The following STK3 variants were observed in gnomAD, a reference collection of about 807,000 sequenced individuals.
STK3 encodes the protein serine/threonine-protein kinase 3.
STK3 carries 41 observed loss-of-function variants against 58.0 expected under a neutral mutation model. The observed-to-expected ratio is 0.71, with a 90% CI of 0.55 to 0.92. The LOEUF (loss-of-function observed/expected upper bound fraction) is 0.92. Ranked by LOEUF, STK3 falls within the 40% of genes least tolerant of loss-of-function variation. The pLI is 0.00. For missense variants in STK3, 479 were observed against 602.7 expected, an observed-to-expected ratio of 0.79 and a Z score of 2.15; for synonymous variants, 170 against 191.0, an observed-to-expected ratio of 0.89 and a Z score of 0.91.
intron 6 of STK3, among the ~76,000 whole-genome samples, chr8:98,605,749 T>C (rs1247634274): frequency 6.6e-6 from 1 of 152,198 alleles, no homozygotes; most frequent in Non-Finnish European, 1.5e-5. Context: ...TGTCAAATTG[T>C]AATCCCCAAT....
intron 1 of STK3, among the ~76,000 whole-genome samples, chr8:98,893,853 A>G (rs1465317340): frequency 6.6e-6 from 1 of 152,198 alleles, no homozygotes; most frequent in Non-Finnish European, 1.5e-5. Flanking sequence ...GGCCAATTTG[A>G]CCAAACTTAT....
chr8:98,877,098 C>T (rs1228863147), intron 3 of STK3, among the ~76,000 whole-genome samples: 3 of 152,192 alleles, frequency 2.0e-5, no homozygotes, highest in Non-Finnish European at 2.9e-5. Context: ...TGATTTTGAA[C>T]TATGACATCT....
intron 1 of STK3, among the ~76,000 whole-genome samples, chr8:98,807,319 T>C (rs113593047): frequency 0.031 from 4,772 of 152,010 alleles, 99 homozygotes; most frequent in East Asian, 0.06. Flanking sequence ...TGCAATGGCA[T>C]GATCTTGGCT....
chr8:98,428,651 C>T lies in STK3; in HGVS notation n.483+5476G>A, dbSNP rs957441373. 1.2e-6 allele frequency: 2 copies of T among 1,614,068 alleles called. No homozygotes were observed. Among genetic ancestry groups the T allele is most frequent in the African/African-American group, 2.7e-5 (2 of 74,914 alleles). On this transcript the variant is annotated intron_variant and non_coding_transcript_variant, in intron 3 of 3. Transcript: ENST00000517832. The surrounding 1 kb of genome is among the most constrained non-coding windows in gnomAD (Gnocchi z 6.7). ...ACAGCCAGGGCAACCCTGGCGAGGA[C>T]CCTAGGTTCGAAATCGTGGAGCACT...
At chr8:98,370,820 A>G (rs1817602499), downstream of STK3, among the ~76,000 whole-genome samples, 1 of 152,194 alleles carries the variant, frequency 6.6e-6, no homozygotes, top group Non-Finnish European at 1.5e-5. Context: ...GATCCAAACA[A>G]GTCAGGTTAA....
intron 1 of STK3, among the ~76,000 whole-genome samples, chr8:98,938,279 C>A (rs1840268308): frequency 6.6e-6 from 1 of 152,096 alleles, no homozygotes; most frequent in Non-Finnish European, 1.5e-5. Flanking sequence ...TGGAGGGAAG[C>A]AAATGGTCCA....
chr8:98,817,418 C>T (rs1037823525), intron 1 of STK3, among the ~76,000 whole-genome samples: 2 of 142,724 alleles, frequency 1.4e-5, no homozygotes, highest in Non-Finnish European at 3.0e-5. Flanking sequence ...TGCACCATTG[C>T]ATTCCAGCCT....
chr8:98,382,744 C>A (rs1209379161), intron 1 of STK3, among the ~76,000 whole-genome samples: 3 of 152,196 alleles, frequency 2.0e-5, no homozygotes, highest in Non-Finnish European at 4.4e-5. Flanking sequence ...ACCGTCCACT[C>A]CAGCGGCCAC....
intron 3 of STK3, chr8:98,429,729 C>G (rs1818302632): frequency 3.2e-6 from 1 of 307,986 alleles, no homozygotes; most frequent in African/African-American, 2.1e-5. Context: ...GTACGCTATT[C>G]TAGTGCTTGT....
the STK3 span, among the ~76,000 whole-genome samples, chr8:98,363,999 TCA>T: frequency 7.9e-5 from 12 of 152,258 alleles, no homozygotes; most frequent in African/African-American, 2.9e-4. Context: ...GTTCTCTCTA[TCA>T]CAGTCAGGCC....
At chr8:98,577,349 T>TA (rs546812737) in intron 8 of STK3, among the ~76,000 whole-genome samples, 1 of 152,052 alleles carries the variant, frequency 6.6e-6, no homozygotes, top group Non-Finnish European at 1.5e-5. Context: ...TAGCCGGGTA[T>TA]AGTGGCATGA....
intron 10 of STK3, among the ~76,000 whole-genome samples, chr8:98,473,877 A>C (rs912730778): frequency 5.3e-5 from 8 of 152,174 alleles, no homozygotes; most frequent in Admixed American, 5.2e-4. Flanking sequence ...AGTCTCATAC[A>C]TGCCCTGGGC....
At chr8:98,530,724 C>A (rs980126356) in intron 9 of STK3, among the ~76,000 whole-genome samples, 1 of 152,196 alleles carries the variant, frequency 6.6e-6, no homozygotes, top group Non-Finnish European at 1.5e-5. Flanking sequence ...AACATTTTAC[C>A]CACAGCACAG....
intron 3 of STK3, among the ~76,000 whole-genome samples, chr8:98,420,256 C>T (rs1818156792): frequency 6.6e-6 from 1 of 152,170 alleles, no homozygotes; most frequent in African/African-American, 2.4e-5. Context: ...AGGTGCTCCC[C>T]ACCCCTTAGT....
At chr8:98,507,580 C>T (rs2131389872) in intron 10 of STK3, among the ~76,000 whole-genome samples, 1 of 152,290 alleles carries the variant, frequency 6.6e-6, no homozygotes, top group Non-Finnish European at 1.5e-5. Flanking sequence ...TCTATGGCTA[C>T]ATATTTCTTT....
chr8:98,457,794 T>G (rs542252598), intron 10 of STK3, among the ~76,000 whole-genome samples: 5 of 152,336 alleles, frequency 3.3e-5, no homozygotes, highest in Admixed American at 2.6e-4. Context: ...TATCATTACT[T>G]TAATTCTGAA....
chr8:98,833,082 G>A (rs961229293), intron 3 of STK3, among the ~76,000 whole-genome samples: 2 of 152,146 alleles, frequency 1.3e-5, no homozygotes, highest in Non-Finnish European at 1.5e-5. Context: ...CTGAGAATAC[G>A]TGCCCAAGGT....
At chr8:98,389,113 G>T (rs764450520), upstream of STK3, among the ~76,000 whole-genome samples, 24 of 152,326 alleles carry the variant, frequency 1.6e-4, no homozygotes, top group Middle Eastern at 6.8e-3. Context: ...GTCTGCCTTT[G>T]TTCAAGTGAT....
At chr8:98,715,399 T>A (rs1330676298) in intron 4 of STK3, among the ~76,000 whole-genome samples, 1 of 151,582 alleles carries the variant, frequency 6.6e-6, no homozygotes, top group African/African-American at 2.4e-5. Context: ...AAAGGGCTAA[T>A]ATCCAGAATC....
Sources: gnomAD v4.1 joint callset for allele counts (sites outside exome capture counted in the v4.1 genomes callset) on GRCh38, gnomAD v4.1.1 for gene constraint, Gnocchi (gnomAD v3.1) non-coding constraint, MANE v1.5 for transcripts, NCBI Gene and HGNC (gene_info 2026-07-23, HGNC 2026-07-21) for gene names.